NXN: variants seen among roughly 807,000 people sequenced by gnomAD.
NXN encodes the protein nucleoredoxin 1.
NXN carries 16 observed loss-of-function variants against 48.6 expected under a neutral mutation model. The observed-to-expected ratio is 0.33, with a 90% confidence interval of 0.22 to 0.50. NXN has a LOEUF of 0.50. NXN is among the 20% of genes least tolerant of loss of function. NXN has a pLI of 0.98. For missense variants in NXN, 492 were observed against 605.5 expected (o/e 0.81, Z 1.97); for synonymous variants, 281 against 269.6 (o/e 1.04, Z -0.41).
intron 1 of NXN, among the ~76,000 whole-genome samples, chr17:938,933 T>C (rs1433797255): frequency 6.6e-6 from 1 of 151,186 alleles, no homozygotes; most frequent in Non-Finnish European, 1.5e-5. Flanking sequence ...GCTCCTGTAA[T>C]CCCAGCTACA....
intron 5 of NXN, among the ~76,000 whole-genome samples, chr17:818,689 T>G (rs1015861207): frequency 1.3e-5 from 2 of 152,050 alleles, no homozygotes; most frequent in African/African-American, 2.4e-5. Context: ...ATCGAGACCA[T>G]CCTGGCCAAC....
chr17:830,060 A>G lies in NXN; in HGVS notation c.361-3982T>C, dbSNP rs1472624990. ...AGGAATCACCACACTGTCCTCCACA[A>G]TGGTTGAACTAATTGACCCTCCCAC... On this transcript the variant is annotated intron_variant, in intron 1 of 7. Transcript: ENST00000336868. The surrounding 1 kb of genome is among the most constrained non-coding windows in gnomAD (Gnocchi z 4.2). 1.3e-5 allele frequency among the ~76,000 whole-genome samples: 2 copies of G among 152,148 alleles called. No individual in the cohort carries two copies. The highest frequency in any genetic ancestry group is 4.8e-5 in the African/African-American group (2 of 41,442).
intron 7 of NXN, 91 bp from the exon 8 acceptor site, chr17:801,222 T>A: frequency 9.8e-7 from 1 of 1,023,866 alleles, no homozygotes; most frequent in Non-Finnish European, 1.3e-6. Context: ...GTGTGGTAGC[T>A]CCCGCACCCT....
chr17:812,598 CGA>C (rs992714063), intron 5 of NXN, among the ~76,000 whole-genome samples: 9 of 151,132 alleles, frequency 6.0e-5, no homozygotes, highest in African/African-American at 1.5e-4. Flanking sequence ...TGTGATGGCG[CGA>C]GTGTGCATTG....
At position 801,068 on chromosome 17, in the gene NXN, T is replaced by C; in HGVS notation, c.1189A>G (p.Ile397Val). The change falls in exon 8 of 8, where the codon ATC becomes GTC. Residue 397 changes from isoleucine to valine, a missense_variant. Transcript: ENST00000336868. The part of the protein sequence containing the change: ...NLPEAAPLLT[I>V]LDMSARAKYV... ...TTGGCCCGGGCTGACATGTCCAGGATGGTGAGCAAAGGGGCAGCCTCAGGC... is the reference window on the plus strand; with the variant it reads ...TTGGCCCGGGCTGACATGTCCAGGACGGTGAGCAAAGGGGCAGCCTCAGGC... The C allele has an allele frequency of 6.3e-7, 1 of 1,579,862 alleles. No individual in the cohort carries two copies. Among genetic ancestry groups the C allele is most frequent in the African/African-American group, 1.4e-5 (1 of 73,562 alleles).
intron 1 of NXN, among the ~76,000 whole-genome samples, chr17:854,068 C>A (rs992942838): frequency 2.0e-5 from 3 of 152,116 alleles, no homozygotes; most frequent in African/African-American, 4.8e-5. Flanking sequence ...TGTGTCCCCC[C>A]ACTGGACTAC....
intron 1 of NXN, among the ~76,000 whole-genome samples, chr17:881,262 T>C (rs1470017781): frequency 6.6e-6 from 1 of 152,208 alleles, no homozygotes; most frequent in Non-Finnish European, 1.5e-5. Context: ...CACTTTGTTG[T>C]TGTTTGAGAC....
chr17:855,649 A>G (rs2067977030), intron 1 of NXN, among the ~76,000 whole-genome samples: 1 of 152,220 alleles, frequency 6.6e-6, no homozygotes, highest in Non-Finnish European at 1.5e-5. Context: ...CTGATCCACC[A>G]GTTCTGGCAG....
chr17:844,935 T>TA (rs753512126), intron 1 of NXN, among the ~76,000 whole-genome samples: 24 of 152,026 alleles, frequency 1.6e-4, no homozygotes, highest in Non-Finnish European at 3.5e-4. Flanking sequence ...AAAACAGACC[T>TA]ACCCCCAGGA....
intron 1 of NXN, among the ~76,000 whole-genome samples, chr17:964,808 G>A (rs1265431924): frequency 6.6e-6 from 1 of 152,344 alleles, no homozygotes; most frequent in East Asian, 1.9e-4. Context: ...TCAGCACAAG[G>A]ACAGTGGGCT....
At chr17:802,949 T>TGGGGA (rs1911282384) in intron 7 of NXN, among the ~76,000 whole-genome samples, 2 of 22,654 alleles carry the variant, frequency 8.8e-5, no homozygotes, top group Admixed American at 5.7e-4. Context: ...TGGGGTGGGG[T>TGGGGA]GGGGTGGGGA....
In NXN at chr17:899,617, G is replaced by A. The variant is rs1407663983; in HGVS notation, c.361-73539C>T. ...GCTGAGCCTTAAAAAACAAAACCAC[G>A]GATTCCGCACTTTCCTCCTTTCTCT... On this transcript the variant is annotated intron_variant, in intron 1 of 7. Transcript: ENST00000336868. 4.6e-5 allele frequency among the ~76,000 whole-genome samples: 7 copies of A among 152,138 alleles called. No individual in the cohort carries two copies. The East Asian group carries it at 7.7e-4, about 17-fold the overall frequency.
At chr17:861,540 G>A (rs1167225519) in intron 1 of NXN, among the ~76,000 whole-genome samples, 1 of 152,168 alleles carries the variant, frequency 6.6e-6, no homozygotes, top group African/African-American at 2.4e-5. Context: ...TCCACCAAAG[G>A]GAAGGAGGAT....
intron 1 of NXN, among the ~76,000 whole-genome samples, chr17:873,575 A>C (rs532228261): frequency 2.8e-4 from 42 of 151,822 alleles, no homozygotes; most frequent in African/African-American, 9.9e-4. Flanking sequence ...GACCTTTGAG[A>C]ATATACAACG....
chr17:854,687 G>A (rs931296206), intron 1 of NXN, among the ~76,000 whole-genome samples: 3 of 147,770 alleles, frequency 2.0e-5, no homozygotes, highest in East Asian at 2.2e-4. Context: ...AGCCGGGCAC[G>A]GTGGCTCACG....
chr17:922,099 G>C (rs542372754), intron 1 of NXN, among the ~76,000 whole-genome samples: 1 of 152,200 alleles, frequency 6.6e-6, no homozygotes, highest in Non-Finnish European at 1.5e-5. Flanking sequence ...CTGTGACTTT[G>C]TTGGCCAACA....
chr17:890,621 T>C (rs1367913504), intron 1 of NXN, among the ~76,000 whole-genome samples: 1 of 152,000 alleles, frequency 6.6e-6, no homozygotes, highest in African/African-American at 2.4e-5. Flanking sequence ...GACCTCGTGA[T>C]CCGCCCACCT....
intron 1 of NXN, among the ~76,000 whole-genome samples, chr17:832,921 C>CTA (rs201372487): frequency 0.039 from 5,968 of 152,192 alleles, 130 homozygotes; most frequent in African/African-American, 0.052. Flanking sequence ...GAGACGGAGT[C>CTA]TCGCTGTCCC....
At chr17:897,489 A>G (rs1247144369) in intron 1 of NXN, among the ~76,000 whole-genome samples, 1 of 152,168 alleles carries the variant, frequency 6.6e-6, no homozygotes, top group Non-Finnish European at 1.5e-5. Flanking sequence ...TAAATTGAAT[A>G]AGGGAAGGAA....
Sources: gnomAD v4.1 joint callset for allele counts (sites outside exome capture counted in the v4.1 genomes callset) on GRCh38, gnomAD v4.1.1 for gene constraint, Gnocchi (gnomAD v3.1) non-coding constraint, MANE v1.5 for transcripts, NCBI Gene and HGNC (gene_info 2026-07-23, HGNC 2026-07-21) for gene names.